The following ARHGAP39 variants were observed in gnomAD, a reference collection of about 807,000 sequenced individuals.
ARHGAP39 encodes Rho GTPase activating protein 39.
Under a neutral mutation model 106.9 loss-of-function variants are expected in ARHGAP39, and 44 were observed. The ratio of observed to expected loss-of-function variants is 0.41; its 90% CI spans 0.32 to 0.53. The LOEUF is 0.53. Ranked by LOEUF, ARHGAP39 falls within the 20% of genes least tolerant of loss-of-function variation. The pLI, the probability that ARHGAP39 is intolerant of heterozygous loss-of-function variation, is 0.21. For missense variants in ARHGAP39, 1,496 were observed against 1,577.3 expected (o/e 0.95, Z 0.87); for synonymous variants, 768 against 693.2 (o/e 1.11, Z -1.69).
At chr8:144,666,108 C>G (rs1821956505) in intron 1 of ARHGAP39, among the ~76,000 whole-genome samples, 1 of 152,182 alleles carries the variant, frequency 6.6e-6, no homozygotes, top group Admixed American at 6.5e-5. Context: ...TCACTTTGAG[C>G]TTTAAAATTT....
At chr8:144,599,270 C>A (rs1317490718) in intron 2 of ARHGAP39, among the ~76,000 whole-genome samples, 1 of 152,120 alleles carries the variant, frequency 6.6e-6, no homozygotes, top group Non-Finnish European at 1.5e-5. Context: ...ACCCATATGG[C>A]CAACACAAGA....
chr8:144,610,437 C>T (rs1460369966), intron 1 of ARHGAP39, among the ~76,000 whole-genome samples: 4 of 152,056 alleles, frequency 2.6e-5, no homozygotes, highest in African/African-American at 4.8e-5. Flanking sequence ...TAGGGCCGGG[C>T]GTGGTGGCCC....
At position 144,647,323 on chromosome 8, in the gene ARHGAP39, C is replaced by A. The variant is rs1430193599; in HGVS notation, c.-82+38363G>T. The stretch of plus-strand genomic sequence containing the variant: ...GGCCCCAGTAAGAGCAGGGAAGGGA[C>A]GAACAGCCCATCCTCACATGAAACC... On this transcript the variant is annotated intron_variant, in intron 1 of 11. Transcript: ENST00000377307. The surrounding 1 kb of genome is among the most constrained non-coding windows in gnomAD (Gnocchi z 4.8). 6.6e-6 allele frequency among the ~76,000 whole-genome samples: 1 copy of A among 152,086 alleles called. No individual in the cohort carries two copies. Among genetic ancestry groups the A allele is most frequent in the Non-Finnish European group, 1.5e-5 (1 of 68,014 alleles).
chr8:144,599,567 C>T (rs562875376), intron 2 of ARHGAP39, among the ~76,000 whole-genome samples: 1 of 152,126 alleles, frequency 6.6e-6, no homozygotes, highest in Non-Finnish European at 1.5e-5. Flanking sequence ...AGAGGCCTGG[C>T]TGAATGTGCC....
rs1311532471 is a variant in ARHGAP39, at chr8:144,531,051, T to TA, written c.2981-181_2981-180insT. Among the ~76,000 whole-genome samples, 6 of 152,326 alleles carry TA rather than the reference T, an allele frequency of 3.9e-5. No homozygotes were observed. The East Asian group carries it at 1.2e-3, about 29-fold the overall frequency. The stretch of plus-strand genomic sequence containing the variant: ...TGACCCCAGAGGGCCTTTCGGCTCC[T>TA]GGGGGCCTGAACTCGATCCTGGAGG... On this transcript the variant is annotated intron_variant, in intron 10 of 11. Coordinates refer to ENST00000377307, the MANE Select transcript of ARHGAP39 (RefSeq NM_025251.3).
chr8:144,609,152 T>C (rs573350704), intron 1 of ARHGAP39, among the ~76,000 whole-genome samples: 2 of 152,370 alleles, frequency 1.3e-5, no homozygotes, highest in South Asian at 2.1e-4. Context: ...ATCCAGTCTT[T>C]TACCATTAAG....
chr8:144,599,168 C>T (rs936060468), intron 2 of ARHGAP39, among the ~76,000 whole-genome samples: 2 of 152,210 alleles, frequency 1.3e-5, no homozygotes, highest in East Asian at 1.9e-4. Flanking sequence ...AGCAGTCCCT[C>T]GTCAGAAATT....
chr8:144,578,175 C>A (rs1818842679), intron 3 of ARHGAP39, among the ~76,000 whole-genome samples: 1 of 152,148 alleles, frequency 6.6e-6, no homozygotes, highest in African/African-American at 2.4e-5. Flanking sequence ...GGATATGGAT[C>A]AATGCAAATC....
chr8:144,652,562 T>C lies in ARHGAP39; in HGVS notation c.-82+33124A>G, dbSNP rs929943067. ...TTTAAAATGTGGTACATAAACACCA[T>C]AGAATACTATGCAGCCATAAAAAAG... On this transcript the variant is annotated intron_variant, in intron 1 of 11. Coordinates refer to ENST00000377307, the MANE Select transcript of ARHGAP39 (RefSeq NM_025251.3). Among the ~76,000 whole-genome samples, 14 of 152,328 alleles carry C rather than the reference T, an allele frequency of 9.2e-5. No individual in the cohort carries two copies. In the South Asian group the frequency reaches 1.9e-3, roughly 20 times the overall value.
At chr8:144,623,931 G>C (rs1820871458) in intron 1 of ARHGAP39, among the ~76,000 whole-genome samples, 1 of 152,198 alleles carries the variant, frequency 6.6e-6, no homozygotes, top group Non-Finnish European at 1.5e-5. Flanking sequence ...TCACTTGTTG[G>C]GGTGACAACA....
intron 5 of ARHGAP39, among the ~76,000 whole-genome samples, chr8:144,546,195 C>T (rs1260073017): frequency 6.6e-6 from 1 of 152,204 alleles, no homozygotes; most frequent in African/African-American, 2.4e-5. Flanking sequence ...GCAGTTCACA[C>T]CAGGTAAAAG....
intron 2 of ARHGAP39, among the ~76,000 whole-genome samples, chr8:144,598,385 C>A (rs1819711071): frequency 6.6e-6 from 1 of 152,168 alleles, no homozygotes; most frequent in African/African-American, 2.4e-5. Flanking sequence ...CACATGAGGA[C>A]ACATGAGCCC....
chr8:144,629,780 C>T (rs1267028469), intron 1 of ARHGAP39, among the ~76,000 whole-genome samples: 4 of 152,084 alleles, frequency 2.6e-5, no homozygotes, highest in South Asian at 2.1e-4. Flanking sequence ...AGGAGGAGGG[C>T]GCTGGGTGGT....
At position 144,679,675 on chromosome 8, in the gene ARHGAP39, G is replaced by A. The variant is rs923273002; in HGVS notation, c.-82+6011C>T. ...CACAAAGCTGCCTGCGGTGGCTCCC[G>A]GTTAGCTAGAAAATTAAAATCTAGG... is the stretch of plus-strand genomic sequence containing the variant. On this transcript the variant is annotated intron_variant, in intron 1 of 11. Coordinates refer to ENST00000377307, the MANE Select transcript of ARHGAP39 (RefSeq NM_025251.3). The surrounding 1 kb of genome is among the most constrained non-coding windows in gnomAD (Gnocchi z 4.7). 5.3e-5 allele frequency among the ~76,000 whole-genome samples: 8 copies of A among 152,138 alleles called. No individual in the cohort carries two copies. Among genetic ancestry groups the A allele is most frequent in the Admixed American group, 3.9e-4 (6 of 15,272 alleles).
chr8:144,567,207 G>A (rs1818427803), intron 3 of ARHGAP39, among the ~76,000 whole-genome samples: 1 of 152,148 alleles, frequency 6.6e-6, no homozygotes, highest in African/African-American at 2.4e-5. Flanking sequence ...ATAGTTTGTA[G>A]CAATTACTCT....
chr8:144,570,304 G>A (rs566345411), intron 3 of ARHGAP39, among the ~76,000 whole-genome samples: 12 of 152,318 alleles, frequency 7.9e-5, no homozygotes, highest in Middle Eastern at 3.4e-3. Context: ...TCCTCTTGTT[G>A]CATCAGCAAT....
chr8:144,530,965 G>GCAT, intron 10 of ARHGAP39, 94 bp from the exon 11 acceptor site: 1 of 1,450,002 alleles, frequency 6.9e-7, no homozygotes, highest in Non-Finnish European at 9.2e-7. Context: ...GGGGTGCTGT[G>GCAT]GGGGACAGGC....
At chr8:144,600,991 A>C (rs1392298122) in intron 2 of ARHGAP39, among the ~76,000 whole-genome samples, 1 of 95,656 alleles carries the variant, frequency 1.0e-5, no homozygotes, top group Admixed American at 1.2e-4. Context: ...TGTGTGTGCG[A>C]GCTCATGTAC....
chr8:144,664,285 T>C (rs2129698186), intron 1 of ARHGAP39, among the ~76,000 whole-genome samples: 1 of 152,352 alleles, frequency 6.6e-6, no homozygotes, highest in Non-Finnish European at 1.5e-5. Flanking sequence ...AGCTCCTAAC[T>C]GGTCTCCTCT....
Sources: gnomAD v4.1 joint callset for allele counts (sites outside exome capture counted in the v4.1 genomes callset) on GRCh38, gnomAD v4.1.1 for gene constraint, Gnocchi (gnomAD v3.1) non-coding constraint, MANE v1.5 for transcripts, NCBI Gene and HGNC (gene_info 2026-07-23, HGNC 2026-07-21) for gene names.